CSTL1: variants seen among roughly 807,000 people sequenced by gnomAD.
CSTL1 encodes cystatin like 1.
In CSTL1, 14 loss-of-function variants were observed where a neutral mutation model predicts 14.4. That is an observed-to-expected ratio of 0.97 (90% CI 0.64 to 1.52). The LOEUF (loss-of-function observed/expected upper bound fraction) is 1.52. CSTL1 is among the 40% of genes most tolerant of loss of function. CSTL1 has a pLI of 0.00. For synonymous variants in CSTL1, 72 were observed against 67.5 expected, an observed-to-expected ratio of 1.07 and a Z score of -0.33; for missense variants, 170 against 168.7, an observed-to-expected ratio of 1.01 and a Z score of -0.04.
rs762812812 is a variant in CSTL1 at position 23,444,045 on chromosome 20, G to C, written c.330+1G>C. ...CCTGCAAAGCAAGAAGCTGAGAAAG[G>C]TGTGTAGTGGAAGTCATCCCAAAGG... On this transcript the variant is annotated splice_donor_variant, in intron 3 of 3. Coordinates refer to ENST00000347397, the MANE Select transcript of CSTL1 (RefSeq NM_138283.1). LOFTEE classifies it high-confidence loss of function. 1.6e-5 allele frequency: 25 copies of C among 1,609,998 alleles called. No homozygotes were observed. The highest frequency in any genetic ancestry group is 3.3e-4 in the Middle Eastern group (2 of 6,074).
the CSTL1 span, among the ~76,000 whole-genome samples, chr20:23,460,888 A>G: frequency 3.3e-5 from 5 of 152,208 alleles, no homozygotes; most frequent in Admixed American, 1.3e-4. Context: ...CTAAGTAAGA[A>G]GACTACAAGA....
At chr20:23,460,787 A>C in the CSTL1 span, among the ~76,000 whole-genome samples, 7 of 152,132 alleles carry the variant, frequency 4.6e-5, no homozygotes, top group Non-Finnish European at 8.8e-5. Context: ...TGTGAAAGGA[A>C]ATTAAATTTT....
intron 2 of CSTL1, chr20:23,440,865 T>C: frequency 2.9e-6 from 1 of 339,346 alleles, no homozygotes; most frequent in South Asian, 2.3e-5. Context: ...CAAGTGATTC[T>C]CCTGCCTCAG....
downstream of CSTL1, among the ~76,000 whole-genome samples, chr20:23,448,774 TATTAA>T (rs2123321933): frequency 6.6e-6 from 1 of 152,358 alleles, no homozygotes; most frequent in East Asian, 1.9e-4. Context: ...TGTTGACTGG[TATTAA>T]ATTACTACCA....
chr20:23,451,450 C>T, the CSTL1 span, among the ~76,000 whole-genome samples: 1 of 152,204 alleles, frequency 6.6e-6, no homozygotes, highest in African/African-American at 2.4e-5. Flanking sequence ...CCAGCACTTG[C>T]GCGGCCTTGT....
chr20:23,446,097 C>T (rs886695381), downstream of CSTL1, among the ~76,000 whole-genome samples: 5 of 152,190 alleles, frequency 3.3e-5, no homozygotes, highest in African/African-American at 1.2e-4. Flanking sequence ...CAGAGGATAG[C>T]AGGGGTTCAA....
At chr20:23,445,045 TACTC>T (rs1251672075), downstream of CSTL1, 7 of 645,520 alleles carry the variant, frequency 1.1e-5, no homozygotes, top group South Asian at 5.3e-5. Flanking sequence ...ACAATGCTCA[TACTC>T]ACGACACCCT....
At chr20:23,446,795 G>C (rs1986977263), downstream of CSTL1, among the ~76,000 whole-genome samples, 1 of 152,138 alleles carries the variant, frequency 6.6e-6, no homozygotes, top group Non-Finnish European at 1.5e-5. Flanking sequence ...CTCTTCCCAG[G>C]CACCAGCGCC....
chr20:23,455,655 C>T, the CSTL1 span, among the ~76,000 whole-genome samples: 1 of 152,230 alleles, frequency 6.6e-6, no homozygotes, highest in African/African-American at 2.4e-5. Context: ...AGCCCATGGG[C>T]CTTCACTTGT....
the CSTL1 span, among the ~76,000 whole-genome samples, chr20:23,460,521 G>A: frequency 6.6e-6 from 1 of 152,174 alleles, no homozygotes; most frequent in African/African-American, 2.4e-5. Flanking sequence ...TCATGGGGAT[G>A]TCAATTGAGG....
At chr20:23,446,874 C>T (rs1177341935), downstream of CSTL1, among the ~76,000 whole-genome samples, 1 of 152,102 alleles carries the variant, frequency 6.6e-6, no homozygotes, top group Non-Finnish European at 1.5e-5. Flanking sequence ...GAGCAAGAAC[C>T]TCAAACTTGA....
the CSTL1 span, chr20:23,457,749 T>C: frequency 1.3e-5 from 2 of 152,214 alleles, no homozygotes; most frequent in Non-Finnish European, 2.9e-5. Context: ...TCACATTCAA[T>C]GCTCCCGTAG....
intron 2 of CSTL1, among the ~76,000 whole-genome samples, chr20:23,441,262 T>TAA: frequency 6.6e-6 from 1 of 152,326 alleles, no homozygotes; most frequent in Non-Finnish European, 1.5e-5. Context: ...AACTTCAAAT[T>TAA]ATACAGAGGG....
chr20:23,440,048 C>G (rs1986788263), intron 1 of CSTL1, 96 bp from the exon 2 acceptor site: 1 of 569,314 alleles, frequency 1.8e-6, no homozygotes, highest in African/African-American at 1.9e-5. Flanking sequence ...TTGCCTGGAT[C>G]ACCAAAGAAC....
the CSTL1 span, among the ~76,000 whole-genome samples, chr20:23,451,240 G>A: frequency 6.6e-6 from 1 of 152,192 alleles, no homozygotes; most frequent in Non-Finnish European, 1.5e-5. Flanking sequence ...TCCCACAGAT[G>A]GGCCAGTGCC....
rs762085007 is a variant in CSTL1 at position 23,440,429 on chromosome 20, T to C, written c.162T>C (p.Asn54=). 1.9e-6 allele frequency: 3 copies of C among 1,614,158 alleles called. No homozygotes were observed. Among genetic ancestry groups the C allele is most frequent in the Non-Finnish European group, 2.5e-6 (3 of 1,180,000 alleles). ...TLNFFIQSYN[N]ASNDTYLYRV... ...ACTTCTTCATTCAATCCTACAACAA[T>C]GCCAGCAACGACACCTACTTATATC... The change falls in exon 2 of 4, where the codon AAT becomes AAC. Residue 54 remains asparagine, a synonymous_variant. Transcript: ENST00000347397.
At chr20:23,451,582 A>G in the CSTL1 span, among the ~76,000 whole-genome samples, 1 of 151,568 alleles carries the variant, frequency 6.6e-6, no homozygotes, top group Non-Finnish European at 1.5e-5. Context: ...GGCCACCTCA[A>G]CTCCTCTCTC....
chr20:23,454,753 G>A, the CSTL1 span, among the ~76,000 whole-genome samples: 1 of 152,232 alleles, frequency 6.6e-6, no homozygotes. Context: ...CTGAGCGGCT[G>A]TAAGTGGGAT....
chr20:23,444,565 C>G (rs1464081259), intron 3 of CSTL1, among the ~76,000 whole-genome samples: 1 of 152,156 alleles, frequency 6.6e-6, no homozygotes, highest in Non-Finnish European at 1.5e-5. Flanking sequence ...GCTGTGGGTC[C>G]CAAGTGGCTG....
Sources: allele counts gnomAD v4.1 joint callset (sites outside exome capture counted in the v4.1 genomes callset), GRCh38; gene constraint gnomAD v4.1.1; transcripts MANE v1.5; gene names NCBI Gene and HGNC (gene_info 2026-07-23, HGNC 2026-07-21).